GSTP1: variants seen among roughly 807,000 people sequenced by gnomAD.
GSTP1 encodes the protein glutathione S-transferase pi 1.
GSTP1 carries 28 observed loss-of-function variants against 29.4 expected under a neutral mutation model. The observed-to-expected ratio is 0.95, with a 90% CI of 0.71 to 1.30. The LOEUF (loss-of-function observed/expected upper bound fraction) is 1.30, where lower values mean the gene tolerates loss of function less well. Among genes scored for constraint, GSTP1 ranks in the 50% most tolerant of loss-of-function variants. GSTP1 has a pLI of 0.00. For missense variants in GSTP1, 267 were observed against 266.1 expected, an observed-to-expected ratio of 1.00 and a Z score of -0.02; for synonymous variants, 122 against 117.0, an observed-to-expected ratio of 1.04 and a Z score of -0.28.
At position 67,586,439 on chromosome 11, in the gene GSTP1, C is replaced by A; in HGVS notation, c.495C>A (p.Val165=). ...TGGACTTGCTGCTGATCCATGAGGT[C>A]CTAGCCCCTGGCTGCCTGGATGCGT... is the stretch of plus-strand genomic sequence containing the variant. ...NLLDLLLIHE[V]LAPGCLDAFP... The change falls in exon 7 of 7, where the codon GTC becomes GTA. Residue 165 remains valine (V), a synonymous_variant. Coordinates refer to ENST00000398606, the MANE Select transcript of GSTP1 (RefSeq NM_000852.4). The A allele has an allele frequency of 1.2e-6, 2 of 1,614,220 alleles. No homozygotes were observed. The highest frequency in any genetic ancestry group is 1.7e-6 in the Non-Finnish European group (2 of 1,180,038).
At chr11:67,584,325 G>A (rs915364758) in intron 2 of GSTP1, 139 bp from the exon 3 acceptor site, 1 of 722,598 alleles carries the variant, frequency 1.4e-6, no homozygotes, top group Non-Finnish European at 2.3e-6. Flanking sequence ...CGCCATGCCT[G>A]CTCCCCGCCC....
rs377655015 is a variant in GSTP1, at chr11:67,584,739, A to G, written c.199A>G (p.Asn67Asp). ...CGGAGACCTCACCCTGTACCAGTCC[A>G]ATACCATCCTGCGTCACCTGGGCCG... is the stretch of plus-strand genomic sequence containing the variant. ...QDGDLTLYQS[N>D]TILRHLGRTL... Residue 67 changes from asparagine to aspartate, a missense_variant, in exon 4 of 7, where the codon AAT becomes GAT. Asn to Asp is a conservative substitution (Grantham distance 23). Coordinates refer to ENST00000398606, the MANE Select transcript of GSTP1 (RefSeq NM_000852.4). The G allele has an allele frequency of 2.8e-5, 45 of 1,613,488 alleles. No individual in the cohort carries two copies. Among genetic ancestry groups the G allele is most frequent in the Non-Finnish European group, 3.8e-5 (45 of 1,179,842 alleles).
At chr11:67,584,051 G>A in intron 1 of GSTP1, 83 bp from the exon 2 acceptor site, 2 of 1,109,806 alleles carry the variant, frequency 1.8e-6, no homozygotes, top group Admixed American at 2.2e-5. Flanking sequence ...GGACCCCGGG[G>A]GCGGGGAGGG....
chr11:67,586,180 AG>A lies in GSTP1; in HGVS notation c.416del (p.Gly139GlufsTer23). 6.2e-7 allele frequency: 1 copy of A among 1,613,828 alleles called. No individual in the cohort carries two copies. Among genetic ancestry groups the A allele is most frequent in the Non-Finnish European group, 8.5e-7 (1 of 1,179,756 alleles). ...TTTGAGACCCTGCTGTCCCAGAACCAGGGAGGCAAGACCTTCATTGTGGGAG... is the reference window on the plus strand; with the variant it reads ...TTTGAGACCCTGCTGTCCCAGAACCAGGAGGCAAGACCTTCATTGTGGGAG... ...KPFETLLSQN[Q>X]GGKTFIVGDQ... On this transcript the variant is annotated frameshift_variant, in exon 6 of 7. Coordinates refer to ENST00000398606, the MANE Select transcript of GSTP1 (RefSeq NM_000852.4). LOFTEE classifies it high-confidence loss of function.
chr11:67,585,416 C>T (rs1393159066), intron 5 of GSTP1, among the ~76,000 whole-genome samples, 175 bp downstream of exon 5: 1 of 152,190 alleles, frequency 6.6e-6, no homozygotes, highest in Non-Finnish European at 1.5e-5. Context: ...ACACAACCTG[C>T]ACCCTTATTG....
Position 67,584,138 on chromosome 11 carries a change from G to T in GSTP1, c.6G>T (p.Pro2=), listed in dbSNP as rs367743706. 8.1e-6 allele frequency: 13 copies of T among 1,612,416 alleles called. No homozygotes were observed. Among genetic ancestry groups the T allele is most frequent in the Non-Finnish European group, 1.1e-5 (13 of 1,178,698 alleles). The change falls in exon 2 of 7, where the codon CCG becomes CCT. Residue 2 remains proline, a synonymous_variant. Coordinates refer to ENST00000398606, the MANE Select transcript of GSTP1 (RefSeq NM_000852.4). ...ACTTTTCTTTGTTCGCTGCAGTGCCGCCCTACACCGTGGTCTATTTCCCAG... is the reference window on the plus strand; with the variant it reads ...ACTTTTCTTTGTTCGCTGCAGTGCCTCCCTACACCGTGGTCTATTTCCCAG... The part of the protein sequence containing the change: M[P]PYTVVYFPVR...
rs1394960893 is a variant in GSTP1, at chr11:67,586,553, C to T, written c.609C>T (p.Pro203=). The T allele has an allele frequency of 2.5e-6, 4 of 1,613,164 alleles. No homozygotes were observed. The highest frequency in any genetic ancestry group is 3.4e-6 in the Non-Finnish European group (4 of 1,179,534). ...FLASPEYVNL[P]INGNGKQ ...CCTCCCCTGAGTACGTGAACCTCCC[C>T]ATCAATGGCAACGGGAAACAGTGAG... The change falls in exon 7 of 7, where the codon CCC becomes CCT. Residue 203 remains proline, a synonymous_variant. Coordinates refer to ENST00000398606, the MANE Select transcript of GSTP1 (RefSeq NM_000852.4).
At chr11:67,585,985 TG>T in intron 5 of GSTP1, 118 bp from the exon 6 acceptor site, 1 of 699,980 alleles carries the variant, frequency 1.4e-6, no homozygotes, top group Non-Finnish European at 2.6e-6. Flanking sequence ...GGTACTAGCC[TG>T]GTTGTGGGGA....
rs2134394380 is a variant in GSTP1 at position 67,585,217 on chromosome 11, C to T, written c.312C>T (p.Tyr104=). The change falls in exon 5 of 7, where the codon TAC becomes TAT. Residue 104 remains tyrosine, a synonymous_variant. Coordinates refer to ENST00000398606, the MANE Select transcript of GSTP1 (RefSeq NM_000852.4). ...NDGVEDLRCK[Y]ISLIYTNYEA... is the part of the protein sequence containing the mutation. Reference sequence around the variant, plus strand: ...GCGTGGAGGACCTCCGCTGCAAATACATCTCCCTCATCTACACCAACTATG... The same window carrying T: ...GCGTGGAGGACCTCCGCTGCAAATATATCTCCCTCATCTACACCAACTATG... The T allele has an allele frequency of 1.9e-6, 3 of 1,599,474 alleles. No homozygotes were observed. Among genetic ancestry groups the T allele is most frequent in the Non-Finnish European group, 2.6e-6 (3 of 1,170,314 alleles).
chr11:67,585,112 G>T, intron 4 of GSTP1, 26 bp from the exon 5 acceptor site: 1 of 1,479,022 alleles, frequency 6.8e-7, no homozygotes, highest in Non-Finnish European at 9.4e-7. Flanking sequence ...CAGTCACGCG[G>T]CCTGCTCCCC....
chr11:67,584,714 C>T lies in GSTP1; in HGVS notation c.174C>T (p.Asp58=), dbSNP rs369005647. Residue 58 remains aspartate (D), a synonymous_variant, in exon 4 of 7, where the codon GAC becomes GAT. Coordinates refer to ENST00000398606, the MANE Select transcript of GSTP1 (RefSeq NM_000852.4). ...CLYGQLPKFQ[D]GDLTLYQSNT... Reference sequence around the variant, plus strand: ...ACGGGCAGCTCCCCAAGTTCCAGGACGGAGACCTCACCCTGTACCAGTCCA... The same window carrying T: ...ACGGGCAGCTCCCCAAGTTCCAGGATGGAGACCTCACCCTGTACCAGTCCA... The T allele has an allele frequency of 1.5e-5, 25 of 1,613,622 alleles. No individual in the cohort carries two copies. The highest frequency in any genetic ancestry group is 2.0e-5 in the Non-Finnish European group (24 of 1,179,884).
intron 2 of GSTP1, 52 bp downstream of exon 2, chr11:67,584,221 CA>C: frequency 1.4e-5 from 19 of 1,405,194 alleles, no homozygotes; most frequent in South Asian, 3.5e-5. Context: ...GGCTGCAGCC[CA>C]CAGCCCCTCG....
At position 67,585,253 on chromosome 11, in the gene GSTP1, C is replaced by T. The variant is rs2134394495; in HGVS notation, c.336+12C>T. The T allele has an allele frequency of 2.6e-6, 4 of 1,544,350 alleles. No individual in the cohort carries two copies. Among genetic ancestry groups the T allele is most frequent in the Non-Finnish European group, 3.6e-6 (4 of 1,116,750 alleles). ...TCTACACCAACTATGTGAGCATCTGCACCAGGGTTGGGCACTGGGGGCTGA... is the reference window on the plus strand; with the variant it reads ...TCTACACCAACTATGTGAGCATCTGTACCAGGGTTGGGCACTGGGGGCTGA... On this transcript the variant is annotated intron_variant, in intron 5 of 6. Coordinates refer to ENST00000398606, the MANE Select transcript of GSTP1 (RefSeq NM_000852.4).
Position 67,585,011 on chromosome 11 carries a change from A to G in GSTP1, c.233-127A>G, listed in dbSNP as rs1867441597. On this transcript the variant is annotated intron_variant, in intron 4 of 6. Coordinates refer to ENST00000398606, the MANE Select transcript of GSTP1 (RefSeq NM_000852.4). ...CTGTGTGGCAGTCTCTCATCCTTCC[A>G]CGCACATCCTCTTCCCCTCCTCCCA... The G allele has an allele frequency of 4.5e-6, 3 of 661,752 alleles. No homozygotes were observed. The East Asian group carries it at 8.1e-5, about 18-fold the overall frequency. The allele number at this position is 661,752 out of a possible 1,614,324, so 41.0% of individuals were successfully genotyped here.
Position 67,583,838 on chromosome 11 carries a change from G to T in GSTP1, c.-6G>T. 2 of 748,638 alleles carry T rather than the reference G, an allele frequency of 2.7e-6. No individual in the cohort carries two copies. The highest frequency in any genetic ancestry group is 3.1e-4 in the Middle Eastern group (1 of 3,216). 46.4% of individuals were successfully genotyped at this position (748,638 alleles called of 1,614,324 possible). On this transcript the variant is annotated 5_prime_UTR_variant, in exon 1 of 7. Coordinates refer to ENST00000398606, the MANE Select transcript of GSTP1 (RefSeq NM_000852.4). Reference sequence around the variant, plus strand: ...CTGGAGTTTCGCCGCCGCAGTCTTCGCCACCAGTGAGTACGCGCGGCCCGC... The same window carrying T: ...CTGGAGTTTCGCCGCCGCAGTCTTCTCCACCAGTGAGTACGCGCGGCCCGC...
Position 67,584,738 on chromosome 11 carries a change from C to T in GSTP1, c.198C>T (p.Ser66=), listed in dbSNP as rs750207589. 6.2e-7 allele frequency: 1 copy of T among 1,613,534 alleles called. No individual in the cohort carries two copies. The highest frequency in any genetic ancestry group is 2.2e-5 in the East Asian group (1 of 44,884). ...ACGGAGACCTCACCCTGTACCAGTCCAATACCATCCTGCGTCACCTGGGCC... is the reference window on the plus strand; with the variant it reads ...ACGGAGACCTCACCCTGTACCAGTCTAATACCATCCTGCGTCACCTGGGCC... ...FQDGDLTLYQ[S]NTILRHLGRT... Residue 66 remains serine (S), a synonymous_variant, in exon 4 of 7, where the codon TCC becomes TCT. Coordinates refer to ENST00000398606, the MANE Select transcript of GSTP1 (RefSeq NM_000852.4).
intron 4 of GSTP1, 81 bp from the exon 5 acceptor site, chr11:67,585,057 C>T: frequency 1.2e-6 from 1 of 857,078 alleles, no homozygotes; most frequent in Non-Finnish European, 1.9e-6. Flanking sequence ...CACAGACAGC[C>T]CCCTGGTTGG....
Position 67,584,532 on chromosome 11 carries a change from G to T in GSTP1, c.106G>T (p.Val36Leu). 1 of 1,594,004 alleles carries T rather than the reference G, an allele frequency of 6.3e-7. No individual in the cohort carries two copies. The highest frequency in any genetic ancestry group is 8.5e-7 in the Non-Finnish European group (1 of 1,170,878). Reference protein sequence around the residue: ...GQSWKEEVVTVETWQEGSLKA... With the variant: ...GQSWKEEVVTLETWQEGSLKA... ...GAGCTGGAAGGAGGAGGTGGTGACC[G>T]TGGAGACGTGGCAGGAGGGCTCACT... The change falls in exon 3 of 7, where the codon GTG becomes TTG. Residue 36 changes from valine (V) to leucine (L), a missense_variant. Physicochemically the swap from Val to Leu is conservative, Grantham distance 32 (BLOSUM62 1). Coordinates refer to ENST00000398606, the MANE Select transcript of GSTP1 (RefSeq NM_000852.4).
At chr11:67,584,411 T>C in intron 2 of GSTP1, 53 bp from the exon 3 acceptor site, 1 of 1,026,204 alleles carries the variant, frequency 9.7e-7, no homozygotes, top group Non-Finnish European at 1.4e-6. Context: ...CCCGGGTTGC[T>C]GCGAGGCGGA....
Sources: allele counts gnomAD v4.1 joint callset (sites outside exome capture counted in the v4.1 genomes callset), GRCh38; gene constraint gnomAD v4.1.1; transcripts MANE v1.5; gene names NCBI Gene and HGNC (gene_info 2026-07-23, HGNC 2026-07-21).